The following PDZD2 variants were observed in gnomAD, a reference collection of about 807,000 sequenced individuals.
PDZD2 encodes the protein PDZ domain-containing protein 2.
PDZD2 carries 90 observed loss-of-function variants against 220.7 expected under a neutral mutation model. The observed-to-expected ratio is 0.41, with a 90% confidence interval of 0.34 to 0.49. The LOEUF (loss-of-function observed/expected upper bound fraction) is 0.49. PDZD2 is among the 20% of genes least tolerant of loss of function. The pLI is 0.28. For synonymous variants in PDZD2, 1,375 were observed against 1,450.5 expected, an observed-to-expected ratio of 0.95 and a Z score of 1.18; for missense variants, 3,174 against 3,608.5, an observed-to-expected ratio of 0.88 and a Z score of 3.08.
intron 2 of PDZD2, among the ~76,000 whole-genome samples, chr5:31,858,893 A>G (rs1758689662): frequency 2.0e-5 from 3 of 151,950 alleles, no homozygotes; most frequent in East Asian, 3.9e-4. Flanking sequence ...TAATTTTTGT[A>G]TCTTTAGTAG....
intron 1 of PDZD2, among the ~76,000 whole-genome samples, chr5:31,673,198 G>C (rs560687155): frequency 6.6e-6 from 1 of 152,176 alleles, no homozygotes. Context: ...AGAGCGACAC[G>C]CTTCCCTCTG....
chr5:32,088,475 A>G lies in PDZD2; in HGVS notation c.5027A>G (p.His1676Arg), dbSNP rs1334870744. ...SSLLEMSSQEHETHADISTSQ... is the reference protein window; with the variant it reads ...SSLLEMSSQERETHADISTSQ... Reference sequence around the variant, plus strand: ...CTCTTGGAGATGAGCTCTCAGGAGCATGAAACTCATGCGGACATAAGCACT... The same window carrying G: ...CTCTTGGAGATGAGCTCTCAGGAGCGTGAAACTCATGCGGACATAAGCACT... Residue 1676 changes from histidine to arginine, a missense_variant, in exon 20 of 25, where the codon CAT (histidine) becomes CGT (arginine). Transcript: ENST00000438447. The surrounding 1 kb of genome is among the most constrained non-coding windows in gnomAD (Gnocchi z 4.6). 19 of 1,614,162 alleles carry G rather than the reference A, an allele frequency of 1.2e-5. No individual in the cohort carries two copies. The highest frequency in any genetic ancestry group is 1.5e-5 in the Non-Finnish European group (18 of 1,180,038).
At position 32,090,302 on chromosome 5, in the gene PDZD2, A is replaced by T. The variant is rs781127086; in HGVS notation, c.6854A>T (p.Asp2285Val). The T allele has an allele frequency of 6.2e-7, 1 of 1,614,108 alleles. No homozygotes were observed. The highest frequency in any genetic ancestry group is 8.5e-7 in the Non-Finnish European group (1 of 1,180,052). Residue 2285 changes from aspartate to valine, a missense_variant, in exon 20 of 25, where the codon GAC (aspartate) becomes GTC (valine). By Grantham distance (152) the Asp-to-Val change is radical. Coordinates refer to ENST00000438447, the MANE Select transcript of PDZD2 (RefSeq NM_178140.4). This position sits in a 1 kb window ranked among gnomAD's most constrained non-coding sequence, Gnocchi z 4.3. ...QGIYSVKPLLDTSRNLPATDE... is the reference protein window; with the variant it reads ...QGIYSVKPLLVTSRNLPATDE... ...ATATATAGTGTAAAGCCGCTGCTGG[A>T]CACATCGAGGAATCTTCCAGCCACA...
intron 1 of PDZD2, among the ~76,000 whole-genome samples, chr5:31,756,259 T>C (rs982191941): frequency 6.6e-6 from 1 of 152,106 alleles, no homozygotes; most frequent in African/African-American, 2.4e-5. Context: ...GGAGTGAAGG[T>C]GGCTTAGAAA....
At chr5:32,094,863 G>T (rs1044045437) in intron 21 of PDZD2, among the ~76,000 whole-genome samples, 1 of 152,164 alleles carries the variant, frequency 6.6e-6, no homozygotes, top group Non-Finnish European at 1.5e-5. Flanking sequence ...GGGTGACAGA[G>T]CAAGACCCTG....
chr5:32,093,764 G>A (rs1709712135), intron 21 of PDZD2, among the ~76,000 whole-genome samples: 1 of 152,132 alleles, frequency 6.6e-6, no homozygotes, highest in Non-Finnish European at 1.5e-5. Context: ...GATCACTTGA[G>A]GTCAGGAGTT....
rs544752951 is a variant in PDZD2 at position 31,663,494 on chromosome 5, A to G, written c.-361+24057A>G. 9.8e-5 allele frequency among the ~76,000 whole-genome samples: 15 copies of G among 152,324 alleles called. No homozygotes were observed. The South Asian group carries it at 2.9e-3, about 29-fold the overall frequency. On this transcript the variant is annotated intron_variant, in intron 1 of 24. Coordinates refer to ENST00000438447, the MANE Select transcript of PDZD2 (RefSeq NM_178140.4). ...GCATTTTTTTAAGAAAAAAAAATAAACAAGTGTACTAGATTTGTCCTTTTA... is the reference window on the plus strand; with the variant it reads ...GCATTTTTTTAAGAAAAAAAAATAAGCAAGTGTACTAGATTTGTCCTTTTA...
At chr5:31,823,025 A>T (rs559067584) in intron 2 of PDZD2, 9 of 1,181,058 alleles carry the variant, frequency 7.6e-6, no homozygotes, top group Non-Finnish European at 1.1e-5. Flanking sequence ...ATGTGATTGA[A>T]GTCCCTCCGC....
intron 1 of PDZD2, among the ~76,000 whole-genome samples, chr5:31,711,024 G>A (rs1748075625): frequency 1.3e-5 from 2 of 152,186 alleles, no homozygotes; most frequent in African/African-American, 4.8e-5. Context: ...CACGCCTTGT[G>A]ACAGTAACTG....
At chr5:31,749,572 C>T (rs941508726) in intron 1 of PDZD2, among the ~76,000 whole-genome samples, 3 of 152,024 alleles carry the variant, frequency 2.0e-5, no homozygotes, top group African/African-American at 4.8e-5. Flanking sequence ...TACGGGCGCC[C>T]GCCACCATGC....
Position 32,000,476 on chromosome 5 carries a change from GAAGTTTGTTTTTGTT to G in PDZD2, c.1254+206_1254+220del, listed in dbSNP as rs1752013518. ...CAGTTAGTTACTTGGCTTTCCTTAAGAAGTTTGTTTTTGTTTTTGTTTTTGTTTTTGTTTTTGTTT... is the reference window on the plus strand; with the variant it reads ...CAGTTAGTTACTTGGCTTTCCTTAAGTTTGTTTTTGTTTTTGTTTTTGTTT... On this transcript the variant is annotated intron_variant, in intron 5 of 24. Coordinates refer to ENST00000438447, the MANE Select transcript of PDZD2 (RefSeq NM_178140.4). The surrounding 1 kb of genome is among the most constrained non-coding windows in gnomAD (Gnocchi z 4.5). 6.7e-6 allele frequency among the ~76,000 whole-genome samples: 1 copy of G among 149,186 alleles called. No homozygotes were observed. Among genetic ancestry groups the G allele is most frequent in the Non-Finnish European group, 1.5e-5 (1 of 67,936 alleles).
At chr5:32,086,168 C>T (rs1317946381) in intron 19 of PDZD2, among the ~76,000 whole-genome samples, 4 of 152,166 alleles carry the variant, frequency 2.6e-5, no homozygotes, top group Non-Finnish European at 4.4e-5. Context: ...TAGTTAGCCT[C>T]AGCCCCTGCA....
At chr5:32,009,172 C>T (rs1020755986) in intron 5 of PDZD2, among the ~76,000 whole-genome samples, 8 of 150,396 alleles carry the variant, frequency 5.3e-5, no homozygotes, top group Admixed American at 1.3e-4. Flanking sequence ...GTGAAAACCC[C>T]GTCTCTACTG....
rs1745044857 is a variant in PDZD2, at chr5:32,108,634, T to C, written c.*499T>C. Reference sequence around the variant, plus strand: ...GCACATTCAATGGAAGGAGGAGATGTAGGTCTGTATATGTTACCCTGAAAA... The same window carrying C: ...GCACATTCAATGGAAGGAGGAGATGCAGGTCTGTATATGTTACCCTGAAAA... On this transcript the variant is annotated 3_prime_UTR_variant, in exon 25 of 25. Transcript: ENST00000438447. 1 of 152,858 alleles carries C rather than the reference T, an allele frequency of 6.5e-6. No homozygotes were observed. Among genetic ancestry groups the C allele is most frequent in the Non-Finnish European group, 1.5e-5 (1 of 68,216 alleles). 9.5% of individuals were successfully genotyped at this position (152,858 alleles called of 1,614,324 possible).
intron 1 of PDZD2, among the ~76,000 whole-genome samples, chr5:31,772,234 A>T (rs758399562): frequency 9.9e-5 from 15 of 151,964 alleles, no homozygotes; most frequent in Non-Finnish European, 8.8e-5. Context: ...CATCCTGGTC[A>T]CCTGCTCTGA....
At chr5:32,041,241 C>T (rs1404664611) in intron 7 of PDZD2, among the ~76,000 whole-genome samples, 1 of 119,942 alleles carries the variant, frequency 8.3e-6, no homozygotes, top group African/African-American at 3.2e-5. Flanking sequence ...GGCCGCCCAT[C>T]GTCTGGGAAG....
chr5:31,832,183 C>T lies in PDZD2; in HGVS notation c.476+32459C>T, dbSNP rs750091800. ...GTTTGGATTACAGGCATGAGCCTGG[C>T]GTGATTCCATTTATGTAAGGGTCCT... On this transcript the variant is annotated intron_variant, in intron 2 of 24. Coordinates refer to ENST00000438447, the MANE Select transcript of PDZD2 (RefSeq NM_178140.4). 9.9e-5 allele frequency among the ~76,000 whole-genome samples: 15 copies of T among 152,080 alleles called. No homozygotes were observed. The Middle Eastern group carries it at 0.014, about 138-fold the overall frequency.
At chr5:31,852,514 G>A (rs1391128072) in intron 2 of PDZD2, among the ~76,000 whole-genome samples, 4 of 151,838 alleles carry the variant, frequency 2.6e-5, no homozygotes, top group African/African-American at 9.7e-5. Context: ...TCAAACTTCT[G>A]ACCTCAAGTG....
chr5:31,892,893 C>T (rs937723674), intron 2 of PDZD2, among the ~76,000 whole-genome samples: 1 of 152,088 alleles, frequency 6.6e-6, no homozygotes, highest in African/African-American at 2.4e-5. Context: ...TTATGGAGCT[C>T]ACAGCCTGAC....
Sources: gnomAD v4.1 joint callset for allele counts (sites outside exome capture counted in the v4.1 genomes callset) on GRCh38, gnomAD v4.1.1 for gene constraint, Gnocchi (gnomAD v3.1) non-coding constraint, MANE v1.5 for transcripts, NCBI Gene and HGNC (gene_info 2026-07-23, HGNC 2026-07-21) for gene names.